Variants in SAMD3 observed in about 807,000 individuals in gnomAD.
The protein encoded by SAMD3 is sterile alpha motif domain-containing protein 3.
A neutral mutation model predicts 58.5 loss-of-function variants in SAMD3; 63 were observed. The observed-to-expected ratio is 1.08, with a 90% CI of 0.88 to 1.33. The LOEUF is 1.33. SAMD3 is among the 40% of genes most tolerant of loss of function. SAMD3 has a pLI of 0.00. For missense variants in SAMD3, 604 were observed against 608.4 expected (o/e 0.99, Z 0.08); for synonymous variants, 220 against 210.3 (o/e 1.05, Z -0.40).
intron 2 of SAMD3, among the ~76,000 whole-genome samples, chr6:130,266,967 T>C (rs1442425022): frequency 1.3e-5 from 2 of 152,160 alleles, no homozygotes; most frequent in Non-Finnish European, 2.9e-5. Flanking sequence ...TTGCAAGCTG[T>C]TTTAGAAATC....
At chr6:130,146,703 G>C (rs998086043) in intron 9 of SAMD3, among the ~76,000 whole-genome samples, 1 of 152,098 alleles carries the variant, frequency 6.6e-6, no homozygotes, top group Admixed American at 6.6e-5. Flanking sequence ...GGCTGGGCAC[G>C]GTGGCTCATG....
chr6:130,188,078 G>A (rs1443930024), intron 5 of SAMD3, among the ~76,000 whole-genome samples: 2 of 152,144 alleles, frequency 1.3e-5, no homozygotes, highest in East Asian at 3.8e-4. Flanking sequence ...ATTGTATTAG[G>A]TGCTAATTTA....
intron 1 of SAMD3, among the ~76,000 whole-genome samples, chr6:130,222,197 T>G (rs1319941964): frequency 6.6e-6 from 1 of 152,226 alleles, no homozygotes; most frequent in Non-Finnish European, 1.5e-5. Flanking sequence ...TTAAAAATAT[T>G]TCTACATTCT....
intron 2 of SAMD3, among the ~76,000 whole-genome samples, chr6:130,273,799 C>T (rs1001896598): frequency 6.6e-6 from 1 of 152,024 alleles, no homozygotes; most frequent in Non-Finnish European, 1.5e-5. Context: ...TTTTACTCCC[C>T]GCTACACAAT....
At chr6:130,206,192 G>T (rs1005071608) in intron 5 of SAMD3, among the ~76,000 whole-genome samples, 2 of 152,162 alleles carry the variant, frequency 1.3e-5, no homozygotes, top group African/African-American at 2.4e-5. Flanking sequence ...CCTGATTCAC[G>T]CTGGGCCCAT....
rs535484543 is a variant in SAMD3 at position 130,352,317 on chromosome 6, G to A, written c.-304+12803C>T. Among the ~76,000 whole-genome samples, 7 of 152,240 alleles carry A rather than the reference G, an allele frequency of 4.6e-5. No homozygotes were observed. In the South Asian group the frequency reaches 1.5e-3, roughly 32 times the overall value. On this transcript the variant is annotated intron_variant, in intron 1 of 13. Transcript: ENST00000368134. ...ATAAATCAAGATATTAAGACTTTAT[G>A]AGTAGAAGCCCATTAAAATTATTTC...
intron 1 of SAMD3, among the ~76,000 whole-genome samples, chr6:130,344,825 C>CAAAAAAAAA (rs56795907): frequency 1.6e-3 from 65 of 41,088 alleles, no homozygotes; most frequent in South Asian, 3.0e-3. Flanking sequence ...ACAACAACAG[C>CAAAAAAAAA]AAAAAAAAAA....
intron 8 of SAMD3, among the ~76,000 whole-genome samples, chr6:130,158,160 C>T (rs76948888): frequency 0.026 from 3,894 of 152,182 alleles, 159 homozygotes; most frequent in African/African-American, 0.088. Flanking sequence ...ATATTTCTGT[C>T]AAAATCCCAA....
At chr6:130,292,381 G>A (rs1775400042) in intron 2 of SAMD3, among the ~76,000 whole-genome samples, 1 of 150,954 alleles carries the variant, frequency 6.6e-6, no homozygotes, top group Non-Finnish European at 1.5e-5. Flanking sequence ...CCACCTCCCG[G>A]GCTCAAGCAG....
At chr6:130,191,004 T>C (rs1326643427) in intron 5 of SAMD3, among the ~76,000 whole-genome samples, 1 of 151,666 alleles carries the variant, frequency 6.6e-6, no homozygotes, top group East Asian at 1.9e-4. Flanking sequence ...GTCCCATAGT[T>C]TAAAGACCAA....
At chr6:130,229,656 A>G (rs1796485789) in intron 2 of SAMD3, among the ~76,000 whole-genome samples, 1 of 152,156 alleles carries the variant, frequency 6.6e-6, no homozygotes, top group South Asian at 2.1e-4. Context: ...CCATTATGGC[A>G]TTTGTCACCT....
Position 130,144,518 on chromosome 6 carries a change from TA to T in SAMD3, c.*1del. On this transcript the variant is annotated 3_prime_UTR_variant, in exon 12 of 12. Transcript: ENST00000439090. ...AATTCCAGTACAATATTTGGCATGC[TA>T]TTAAGTGAGTGGGTGCTGAAATCCT... is the stretch of plus-strand genomic sequence containing the variant. The T allele has an allele frequency of 6.2e-7, 1 of 1,613,280 alleles. No homozygotes were observed. Among genetic ancestry groups the T allele is most frequent in the Non-Finnish European group, 8.5e-7 (1 of 1,179,636 alleles).
At chr6:130,210,723 G>C (rs1019613852) in intron 4 of SAMD3, among the ~76,000 whole-genome samples, 3 of 152,198 alleles carry the variant, frequency 2.0e-5, no homozygotes, top group South Asian at 2.1e-4. Context: ...TTCAGGCCAT[G>C]ATGGGAAGGG....
rs144935011 is a variant in SAMD3, at chr6:130,222,624, A to G, written c.-68+70T>C. 2.1e-4 allele frequency: 32 copies of G among 152,334 alleles called. No individual in the cohort carries two copies. In the East Asian group the frequency reaches 5.4e-3, roughly 26 times the overall value. The allele number at this position is 152,334 out of a possible 1,614,324, so 9.4% of individuals were successfully genotyped here. A position where few individuals can be genotyped will look rare whatever the true frequency, so the allele number is the denominator to read the frequency against. ...ATCTGCCACTCTTAAATTTTTCTCA[A>G]TGAAAGAATTTTATCTTAATATCAG... is the stretch of plus-strand genomic sequence containing the variant. On this transcript the variant is annotated intron_variant, in intron 1 of 11. Coordinates refer to ENST00000439090, the MANE Select transcript of SAMD3 (RefSeq NM_001017373.4).
intron 9 of SAMD3, among the ~76,000 whole-genome samples, chr6:130,150,451 G>A (rs1789053731): frequency 1.3e-5 from 2 of 152,162 alleles, no homozygotes; most frequent in Admixed American, 1.3e-4. Flanking sequence ...ATCCACTAGT[G>A]GGGAGTCTGG....
intron 8 of SAMD3, among the ~76,000 whole-genome samples, chr6:130,156,626 A>T (rs1034582999): frequency 2.6e-5 from 4 of 152,164 alleles, no homozygotes; most frequent in Non-Finnish European, 4.4e-5. Context: ...GGCCACTGTT[A>T]TAGAAAGATT....
downstream of SAMD3, chr6:130,143,672 G>A (rs990442365): frequency 6.6e-6 from 1 of 152,134 alleles, no homozygotes; most frequent in African/African-American, 2.4e-5. Flanking sequence ...AAAGGCCCTG[G>A]TCTATCTTCC....
chr6:130,257,382 T>C (rs1005745381), intron 2 of SAMD3, among the ~76,000 whole-genome samples: 2 of 152,162 alleles, frequency 1.3e-5, no homozygotes, highest in African/African-American at 4.8e-5. Flanking sequence ...TCTTTTAGTC[T>C]CATGACTGCA....
At chr6:130,219,310 T>C (rs1392871596) in intron 1 of SAMD3, among the ~76,000 whole-genome samples, 2 of 150,748 alleles carry the variant, frequency 1.3e-5, no homozygotes, top group Non-Finnish European at 3.0e-5. Context: ...CAGCCATTTT[T>C]TTTAAATTAC....
Sources: allele counts gnomAD v4.1 joint callset (sites outside exome capture counted in the v4.1 genomes callset), GRCh38; gene constraint gnomAD v4.1.1; transcripts MANE v1.5; gene names NCBI Gene and HGNC (gene_info 2026-07-23, HGNC 2026-07-21).